Variants in SORCS2 observed in about 807,000 individuals in gnomAD.
SORCS2 encodes VPS10 domain-containing receptor SorCS2.
In SORCS2, 100 loss-of-function variants were observed where a neutral mutation model predicts 141.6. The observed-to-expected ratio is 0.71, with a 90% CI of 0.60 to 0.83. The LOEUF is 0.83. Among genes scored for constraint, SORCS2 ranks in the 40% least tolerant of loss-of-function variants. SORCS2 has a pLI of 0.00. For missense variants in SORCS2, 1,646 were observed against 1,560.2 expected (o/e 1.05, Z -0.93); for synonymous variants, 789 against 676.9 (o/e 1.17, Z -2.57).
chr4:7,215,907 G>A (rs536912947), intron 1 of SORCS2, among the ~76,000 whole-genome samples: 1 of 151,836 alleles, frequency 6.6e-6, no homozygotes, highest in Non-Finnish European at 1.5e-5. Context: ...CCAATCAGCA[G>A]GATGTGGGTG....
At chr4:7,591,158 G>A (rs1229535923) in intron 3 of SORCS2, among the ~76,000 whole-genome samples, 3 of 152,168 alleles carry the variant, frequency 2.0e-5, no homozygotes, top group African/African-American at 7.2e-5. Flanking sequence ...GCTTCTTTCT[G>A]TGTCCTTCTT....
At chr4:7,217,666 T>A (rs966253114) in intron 1 of SORCS2, among the ~76,000 whole-genome samples, 8 of 152,132 alleles carry the variant, frequency 5.3e-5, no homozygotes, top group Admixed American at 3.9e-4. Flanking sequence ...TGCCCACAGC[T>A]GGGGCCTTCG....
At chr4:7,453,480 G>A (rs1370441371) in intron 2 of SORCS2, among the ~76,000 whole-genome samples, 6 of 144,384 alleles carry the variant, frequency 4.2e-5, no homozygotes, top group South Asian at 2.3e-4. Context: ...GTCAGGCTCC[G>A]TCTTGGGGTC....
chr4:7,563,183 G>A (rs1362261600), intron 3 of SORCS2, among the ~76,000 whole-genome samples: 1 of 152,072 alleles, frequency 6.6e-6, no homozygotes, highest in Non-Finnish European at 1.5e-5. Flanking sequence ...AAAGGAGAAG[G>A]TCCCACACCA....
At chr4:7,237,723 C>T (rs1170927517) in intron 1 of SORCS2, among the ~76,000 whole-genome samples, 1 of 151,874 alleles carries the variant, frequency 6.6e-6, no homozygotes, top group Non-Finnish European at 1.5e-5. Context: ...ATAATAATAC[C>T]CAGTGGGGAG....
intron 1 of SORCS2, among the ~76,000 whole-genome samples, chr4:7,294,213 T>G (rs1716799839): frequency 6.6e-6 from 1 of 152,168 alleles, no homozygotes. Context: ...GATGAGGCAG[T>G]GCCGGGGCGT....
intron 3 of SORCS2, among the ~76,000 whole-genome samples, chr4:7,591,085 C>T (rs548140023): frequency 5.9e-5 from 9 of 152,310 alleles, no homozygotes; most frequent in East Asian, 3.9e-4. Context: ...ACGCTCATAG[C>T]GCCCAGCAGA....
intron 1 of SORCS2, among the ~76,000 whole-genome samples, chr4:7,316,246 C>CCACG (rs1718545572): frequency 6.6e-6 from 1 of 152,136 alleles, no homozygotes; most frequent in Non-Finnish European, 1.5e-5. Context: ...ATCCATCCAT[C>CCACG]CATCCATGCA....
At chr4:7,383,639 A>G (rs2109075214) in intron 1 of SORCS2, among the ~76,000 whole-genome samples, 1 of 152,310 alleles carries the variant, frequency 6.6e-6, no homozygotes, top group Middle Eastern at 3.4e-3. Flanking sequence ...TAACAACATC[A>G]CAGCTTATCC....
At chr4:7,534,336 C>A (rs1401665157) in intron 3 of SORCS2, among the ~76,000 whole-genome samples, 1 of 152,154 alleles carries the variant, frequency 6.6e-6, no homozygotes, top group South Asian at 2.1e-4. Context: ...AGGTCCCCCC[C>A]CATCAGGGAG....
At chr4:7,696,736 C>T (rs1448855023) in intron 11 of SORCS2, among the ~76,000 whole-genome samples, 2 of 152,224 alleles carry the variant, frequency 1.3e-5, no homozygotes, top group African/African-American at 4.8e-5. Flanking sequence ...GGTGTGTGCC[C>T]ACCTGCCTTC....
chr4:7,291,681 A>G (rs945829607), intron 1 of SORCS2, among the ~76,000 whole-genome samples: 1 of 152,128 alleles, frequency 6.6e-6, no homozygotes, highest in African/African-American at 2.4e-5. Flanking sequence ...GACAGGAGAA[A>G]CCAAGGAAGG....
chr4:7,259,136 TC>T (rs1714139301), intron 1 of SORCS2, among the ~76,000 whole-genome samples: 2 of 152,230 alleles, frequency 1.3e-5, no homozygotes, highest in Non-Finnish European at 2.9e-5. Context: ...TTTAATTAGA[TC>T]CCTTTTCTCT....
chr4:7,327,348 G>C (rs964598911), intron 1 of SORCS2, among the ~76,000 whole-genome samples: 1 of 152,154 alleles, frequency 6.6e-6, no homozygotes, highest in African/African-American at 2.4e-5. Flanking sequence ...ACATCCCTCC[G>C]TCTGGCTCTG....
At chr4:7,275,981 T>C (rs1250480206) in intron 1 of SORCS2, among the ~76,000 whole-genome samples, 1 of 151,910 alleles carries the variant, frequency 6.6e-6, no homozygotes, top group African/African-American at 2.4e-5. Flanking sequence ...GCTTGGAGAG[T>C]GTGAGACGGT....
chr4:7,471,388 G>T (rs929511979), intron 2 of SORCS2, among the ~76,000 whole-genome samples: 10 of 152,212 alleles, frequency 6.6e-5, no homozygotes, highest in Non-Finnish European at 1.3e-4. Flanking sequence ...ACGCGGCCAG[G>T]TCTCCATTTA....
intron 1 of SORCS2, among the ~76,000 whole-genome samples, chr4:7,349,987 G>A (rs1257445979): frequency 6.6e-6 from 1 of 152,162 alleles, no homozygotes. Context: ...TTAGGATTCT[G>A]TTTTACCCCT....
intron 5 of SORCS2, among the ~76,000 whole-genome samples, chr4:7,656,445 C>T (rs541703058): frequency 2.6e-5 from 4 of 152,384 alleles, no homozygotes; most frequent in South Asian, 2.1e-4. Flanking sequence ...ATCCCCACAG[C>T]AGCCCATGCG....
chr4:7,456,799 T>A (rs1728941544), intron 2 of SORCS2, among the ~76,000 whole-genome samples: 1 of 152,086 alleles, frequency 6.6e-6, no homozygotes, highest in African/African-American at 2.4e-5. Context: ...GGGTCATCTC[T>A]CGACGATCAG....
Sources: allele counts gnomAD v4.1 joint callset (sites outside exome capture counted in the v4.1 genomes callset), GRCh38; gene constraint gnomAD v4.1.1; transcripts MANE v1.5; gene names NCBI Gene and HGNC (gene_info 2026-07-23, HGNC 2026-07-21).